Variants in OPHN1 observed in about 807,000 individuals in gnomAD.
OPHN1 encodes the protein oligophrenin 1.
In OPHN1, 11 loss-of-function variants were observed where a neutral mutation model predicts 60.7. That is an observed-to-expected ratio of 0.18 (90% CI 0.11 to 0.30). The LOEUF (loss-of-function observed/expected upper bound fraction) is 0.30, where lower values mean the gene tolerates loss of function less well. OPHN1 is among the 10% of genes least tolerant of loss of function. The pLI, the probability that OPHN1 is intolerant of heterozygous loss-of-function variation, is 1.00. For synonymous variants in OPHN1, 226 were observed against 222.6 expected, an observed-to-expected ratio of 1.02 and a Z score of -0.14; for missense variants, 449 against 611.0, an observed-to-expected ratio of 0.73 and a Z score of 2.80.
chrX:68,049,865 C>T (rs1407961255), intron 23 of OPHN1, among the ~76,000 whole-genome samples: 2 of 111,835 alleles, frequency 1.8e-5, no homozygotes, highest in African/African-American at 6.5e-5. Context: ...TGTCGGGCCT[C>T]TTTGAAATGT....
chrX:68,429,800 C>A (rs1321621589), intron 2 of OPHN1, among the ~76,000 whole-genome samples: 1 of 111,169 alleles, frequency 9.0e-6, no homozygotes, highest in African/African-American at 3.3e-5. Flanking sequence ...CTTTGGGAGG[C>A]CAAAGTGGAT....
At position 68,345,629 on chromosome X, in the gene OPHN1, G is replaced by A. The variant is rs1271614449; in HGVS notation, c.155-46533C>T. 2.7e-5 allele frequency among the ~76,000 whole-genome samples: 3 copies of A among 111,596 alleles called. No homozygotes were observed. In the Admixed American group the frequency reaches 2.9e-4, roughly 11 times the overall value. On this transcript the variant is annotated intron_variant, in intron 2 of 24. Coordinates refer to ENST00000355520, the MANE Select transcript of OPHN1 (RefSeq NM_002547.3). ...CCAGCACTTTGGGAGGCTGAGATGGGCAAATCACTTGAACCCAGGAGTTCC... is the reference window on the plus strand; with the variant it reads ...CCAGCACTTTGGGAGGCTGAGATGGACAAATCACTTGAACCCAGGAGTTCC...
At chrX:68,204,006 C>A (rs1227125727) in intron 10 of OPHN1, among the ~76,000 whole-genome samples, 1 of 112,786 alleles carries the variant, frequency 8.9e-6, no homozygotes, top group Admixed American at 9.4e-5. Flanking sequence ...CATCTTTATA[C>A]CTCCAGTATC....
intron 15 of OPHN1, among the ~76,000 whole-genome samples, chrX:68,184,345 A>C (rs1333099761): frequency 9.1e-6 from 1 of 110,150 alleles, no homozygotes; most frequent in Non-Finnish European, 1.9e-5. Context: ...AACATGGTGA[A>C]ACCCTGTCTC....
intron 2 of OPHN1, among the ~76,000 whole-genome samples, chrX:68,430,805 C>T (rs190018992): frequency 9.1e-6 from 1 of 109,770 alleles, no homozygotes; most frequent in East Asian, 2.9e-4. Context: ...GCCTGGGCGA[C>T]AAAGCAAGAC....
At chrX:68,088,496 C>T (rs1427903496) in intron 19 of OPHN1, among the ~76,000 whole-genome samples, 2 of 111,382 alleles carry the variant, frequency 1.8e-5, no homozygotes, top group African/African-American at 3.3e-5. Context: ...TAAAGAGTTT[C>T]TCTATCATTT....
At chrX:68,163,282 AT>A (rs199572593) in intron 15 of OPHN1, among the ~76,000 whole-genome samples, 7 of 109,846 alleles carry the variant, frequency 6.4e-5, no homozygotes, top group African/African-American at 1.3e-4. Flanking sequence ...AAACCACTGA[AT>A]TTTTTTTTGT....
At chrX:68,113,309 G>T (rs1373974467) in intron 16 of OPHN1, 70 bp from the exon 17 acceptor site, 1 of 893,372 alleles carries the variant, frequency 1.1e-6, no homozygotes, top group Non-Finnish European at 1.6e-6. Flanking sequence ...TAGTTCTGGG[G>T]ACAGCAAGGC....
intron 2 of OPHN1, among the ~76,000 whole-genome samples, chrX:68,371,204 T>G (rs1400075271): frequency 9.4e-6 from 1 of 106,393 alleles, no homozygotes; most frequent in East Asian, 2.8e-4. Flanking sequence ...CCTTTCAAGT[T>G]TTTTCTTTTT....
chrX:68,298,964 T>A (rs747684827), intron 3 of OPHN1, 37 bp downstream of exon 3: 7 of 916,246 alleles, frequency 7.6e-6, no homozygotes, highest in Non-Finnish European at 1.1e-5. Context: ...CAGGGCTGCC[T>A]CAACAGGTAT....
intron 2 of OPHN1, among the ~76,000 whole-genome samples, chrX:68,399,939 C>T (rs962938547): frequency 1.1e-4 from 12 of 109,640 alleles, no homozygotes; most frequent in African/African-American, 4.0e-4. Flanking sequence ...AATTCTCCCG[C>T]CTCAGCCTTC....
intron 2 of OPHN1, among the ~76,000 whole-genome samples, chrX:68,360,403 C>T (rs910125044): frequency 2.7e-5 from 3 of 110,600 alleles, no homozygotes; most frequent in African/African-American, 9.9e-5. Context: ...TCTTGAACTC[C>T]CCGTGGTGCC....
chrX:68,093,507 C>T (rs1446510443), intron 19 of OPHN1, among the ~76,000 whole-genome samples: 1 of 111,147 alleles, frequency 9.0e-6, no homozygotes, highest in Non-Finnish European at 1.9e-5. Context: ...AACTGTTTTC[C>T]AGAGCAGCCG....
intron 2 of OPHN1, among the ~76,000 whole-genome samples, chrX:68,338,042 G>T (rs1423161362): frequency 2.7e-5 from 3 of 110,680 alleles, no homozygotes; most frequent in Non-Finnish European, 5.7e-5. Flanking sequence ...TTTTTTTAGA[G>T]ACAGAGTCTC....
intron 2 of OPHN1, among the ~76,000 whole-genome samples, chrX:68,429,663 C>T (rs1229421425): frequency 9.0e-6 from 1 of 111,224 alleles, no homozygotes; most frequent in African/African-American, 3.3e-5. Context: ...TTAGAGGTGA[C>T]AGTGAGCTAT....
intron 3 of OPHN1, among the ~76,000 whole-genome samples, chrX:68,289,274 G>A (rs1416316583): frequency 3.6e-5 from 4 of 111,596 alleles, no homozygotes; most frequent in Non-Finnish European, 5.6e-5. Context: ...AAAGACCACA[G>A]CAAGAGAACA....
At chrX:68,269,573 A>T (rs2147584794) in intron 5 of OPHN1, among the ~76,000 whole-genome samples, 1 of 111,872 alleles carries the variant, frequency 8.9e-6, no homozygotes, top group African/African-American at 3.2e-5. Context: ...CTTACACCTT[A>T]TACAAAAATT....
At chrX:68,197,516 G>A (rs1725730051) in intron 11 of OPHN1, among the ~76,000 whole-genome samples, 2 of 111,228 alleles carry the variant, frequency 1.8e-5, no homozygotes, top group Non-Finnish European at 3.8e-5. Context: ...GAAATAGGAA[G>A]GTAACTGTCA....
chrX:68,387,568 T>G (rs1004200574), intron 2 of OPHN1, among the ~76,000 whole-genome samples: 7 of 111,946 alleles, frequency 6.3e-5, no homozygotes, highest in African/African-American at 1.3e-4. Context: ...CTATGAAAAT[T>G]TAAGCTCCAT....
Sources: allele counts gnomAD v4.1 joint callset (sites outside exome capture counted in the v4.1 genomes callset), GRCh38; gene constraint gnomAD v4.1.1; transcripts MANE v1.5; gene names NCBI Gene and HGNC (gene_info 2026-07-23, HGNC 2026-07-21).